Variants in CPSF4L observed in about 807,000 individuals in gnomAD.
CPSF4L encodes the protein cleavage and polyadenylation specific factor 4 like, also known as putative cleavage and polyadenylation specificity factor subunit 4-like protein.
CPSF4L carries 18 observed loss-of-function variants against 24.0 expected under a neutral mutation model. That is an observed-to-expected ratio of 0.75 (90% CI 0.52 to 1.11). The LOEUF is 1.11. Among genes scored for constraint, CPSF4L ranks in the 50% least tolerant of loss-of-function variants. The pLI is 0.00. For missense variants in CPSF4L, 211 were observed against 221.8 expected, an observed-to-expected ratio of 0.95 and a Z score of 0.31; for synonymous variants, 72 against 77.2, an observed-to-expected ratio of 0.93 and a Z score of 0.35.
Position 73,257,790 on chromosome 17 carries a change from C to A in CPSF4L, c.198G>T (p.Val66=), listed in dbSNP as rs531607101. 3.2e-5 allele frequency: 49 copies of A among 1,551,584 alleles called. No homozygotes were observed. The highest frequency in any genetic ancestry group is 3.9e-5 in the Non-Finnish European group (45 of 1,146,978). ...PFRHDRGEKM[V]VCKHWLRGLC... ...GCCCCCGGAGCCAGTGCTTGCATAC[C>A]ACCATCTTCTCCCCTCGGTCATGTC... Residue 66 remains valine (V), a synonymous_variant, in exon 3 of 6, where the codon GTG becomes GTT. Coordinates refer to ENST00000344935, the MANE Select transcript of CPSF4L (RefSeq NM_001129885.1).
At chr17:73,257,107 C>T (rs888228447) in intron 3 of CPSF4L, among the ~76,000 whole-genome samples, 20 of 152,140 alleles carry the variant, frequency 1.3e-4, no homozygotes, top group Admixed American at 8.5e-4. Flanking sequence ...CAGGCTTGAC[C>T]GCACAAGATG....
chr17:73,255,364 A>T (rs1238601001), intron 3 of CPSF4L, among the ~76,000 whole-genome samples: 1 of 151,878 alleles, frequency 6.6e-6, no homozygotes, highest in Non-Finnish European at 1.5e-5. Flanking sequence ...AAAATTAGCC[A>T]GGTATGGTGG....
At chr17:73,242,409 T>TG in the CPSF4L span, 5 of 1,215,868 alleles carry the variant, frequency 4.1e-6, no homozygotes, top group South Asian at 7.1e-5. Flanking sequence ...TTGGAAAAGT[T>TG]TCTCTTCGGG....
chr17:73,257,411 A>G (rs752215456), intron 3 of CPSF4L, among the ~76,000 whole-genome samples: 2 of 151,578 alleles, frequency 1.3e-5, no homozygotes, highest in Non-Finnish European at 2.9e-5. Flanking sequence ...TGATGAACCA[A>G]GAATGGGGAG....
chr17:73,246,303 G>A (rs926067440), downstream of CPSF4L, among the ~76,000 whole-genome samples: 1 of 152,160 alleles, frequency 6.6e-6, no homozygotes, highest in East Asian at 1.9e-4. Flanking sequence ...GTAGGCCAAG[G>A]CGGGCGGATC....
rs1285802425 is a variant in CPSF4L, at chr17:73,257,826, G to C, written c.162C>G (p.Leu54=). The part of the protein sequence containing the change: ...FTKGLCEKGK[L]CPFRHDRGEK... ...CCCCTCGGTCATGTCGGAAGGGGCA[G>C]AGTTTCCCTGGAGATGCCAGAGCAC... Residue 54 remains leucine (L), a synonymous_variant, in exon 3 of 6, where the codon CTC becomes CTG. Coordinates refer to ENST00000344935, the MANE Select transcript of CPSF4L (RefSeq NM_001129885.1). 4.5e-6 allele frequency: 7 copies of C among 1,551,326 alleles called. No individual in the cohort carries two copies. The highest frequency in any genetic ancestry group is 2.7e-5 in the African/African-American group (2 of 73,024).
chr17:73,260,939 C>A lies in CPSF4L; in HGVS notation c.148G>T (p.Glu50Ter), dbSNP rs1376070570. 1 of 1,550,932 alleles carries A rather than the reference C, an allele frequency of 6.4e-7. No individual in the cohort carries two copies. ...GGCCTGTCTGCTAACTCACCTTTCT[C>A]ACAGAGCCCTTTAGTGAAGAAGTTG... ...VCNFFTKGLCEKGKLCPFRHD... is the reference protein window; with the variant it reads ...VCNFFTKGLC Residue 50 changes from glutamate to a stop codon, truncating the protein, a stop_gained, in exon 2 of 6, where the codon GAG becomes TAG. Transcript: ENST00000344935. LOFTEE classifies it high-confidence loss of function.
intron 3 of CPSF4L, among the ~76,000 whole-genome samples, chr17:73,254,249 C>T (rs1425842777): frequency 1.3e-5 from 2 of 152,192 alleles, no homozygotes; most frequent in East Asian, 1.9e-4. Flanking sequence ...GAATATACAC[C>T]TCTGGAAGAG....
At chr17:73,257,881 G>T (rs547130817) in intron 2 of CPSF4L, 48 bp from the exon 3 acceptor site, 1 of 1,545,228 alleles carries the variant, frequency 6.5e-7, no homozygotes, top group African/African-American at 1.4e-5. Flanking sequence ...TCCACAGCCT[G>T]GGCCCAGCTC....
At chr17:73,260,808 C>T (rs940259010) in intron 2 of CPSF4L, 125 bp downstream of exon 2, 3 of 600,308 alleles carry the variant, frequency 5.0e-6, no homozygotes, top group Non-Finnish European at 8.8e-6. Context: ...CGTTCCATCC[C>T]AATTTTCCCT....
rs6501616 is a variant in CPSF4L, at chr17:73,261,457, T to G, written c.103+259A>C. 2.1e-3 allele frequency among the ~76,000 whole-genome samples: 325 copies of G among 151,934 alleles called. 2 individuals carry two copies. The highest frequency in any genetic ancestry group is 3.9e-3 in the Non-Finnish European group (266 of 67,928). ...CGGGCGGATCACGAGGTCAGGAGAT[T>G]GAGACCATCCTGGCTAACATGGTGA... On this transcript the variant is annotated intron_variant, in intron 1 of 5. Coordinates refer to ENST00000344935, the MANE Select transcript of CPSF4L (RefSeq NM_001129885.1).
In CPSF4L at chr17:73,251,140, A is replaced by G. The variant is rs750381987; in HGVS notation, c.497+1490T>C. 6.6e-6 allele frequency: 10 copies of G among 1,508,026 alleles called. No homozygotes were observed. In the Admixed American group the frequency reaches 8.4e-5, roughly 13 times the overall value. The allele number at this position is 1,508,026 out of a possible 1,614,324, so 93.4% of individuals were successfully genotyped here. Reference sequence around the variant, plus strand: ...GCAGTCGTGAGAAAACACCTACTGCAGATAGTCCCTGTGTGCAGACACCAA... The same window carrying G: ...GCAGTCGTGAGAAAACACCTACTGCGGATAGTCCCTGTGTGCAGACACCAA... On this transcript the variant is annotated intron_variant, in intron 5 of 5. Transcript: ENST00000344935.
chr17:73,254,121 AGACACTGGCCTTTATTCTGGGAGT>A, intron 3 of CPSF4L, 95 bp from the exon 4 acceptor site: 1 of 886,384 alleles, frequency 1.1e-6, no homozygotes, highest in South Asian at 1.5e-5. Context: ...CAAACACAGA[AGACACTGGCCTTTATTCTGGGAGT>A]CACCAGCTTT....
chr17:73,256,567 G>A (rs2062025198), intron 3 of CPSF4L, among the ~76,000 whole-genome samples: 1 of 152,178 alleles, frequency 6.6e-6, no homozygotes, highest in East Asian at 1.9e-4. Context: ...GAATACAGTT[G>A]GAAAACCACT....
intron 4 of CPSF4L, among the ~76,000 whole-genome samples, chr17:73,253,253 G>C (rs2062012224): frequency 6.6e-6 from 1 of 152,140 alleles, no homozygotes; most frequent in African/African-American, 2.4e-5. Flanking sequence ...CCAGCTACTT[G>C]GGAGGCCGAG....
downstream of CPSF4L, chr17:73,245,137 G>T (rs182419036): frequency 1.6e-4 from 251 of 1,611,832 alleles, 1 homozygote; most frequent in African/African-American, 2.9e-3. Flanking sequence ...TGGCCTCTCG[G>T]ATCCTTACAT....
intron 5 of CPSF4L, among the ~76,000 whole-genome samples, chr17:73,249,312 T>C (rs1373757167): frequency 6.6e-6 from 1 of 152,046 alleles, no homozygotes; most frequent in Non-Finnish European, 1.5e-5. Flanking sequence ...CCATGCAAGG[T>C]TTTTTACATG....
chr17:73,261,695 A>G, intron 1 of CPSF4L, 21 bp downstream of exon 1: 1 of 1,464,740 alleles, frequency 6.8e-7, no homozygotes, highest in Non-Finnish European at 9.4e-7. Flanking sequence ...GGGGAGGGAA[A>G]GTGGCCCCAC....
chr17:73,250,305 C>A, intron 5 of CPSF4L: 1 of 1,550,206 alleles, frequency 6.5e-7, no homozygotes, highest in Non-Finnish European at 8.7e-7. Context: ...GTCTTTGACA[C>A]AAAAACAGAA....
Sources: gnomAD v4.1 joint callset for allele counts (sites outside exome capture counted in the v4.1 genomes callset) on GRCh38, gnomAD v4.1.1 for gene constraint, MANE v1.5 for transcripts, NCBI Gene and HGNC (gene_info 2026-07-23, HGNC 2026-07-21) for gene names.